Variants in ARHGEF38 observed in about 807,000 individuals in gnomAD.
The protein encoded by ARHGEF38 is Rho guanine nucleotide exchange factor 38.
In ARHGEF38, 79 loss-of-function variants were observed where a neutral mutation model predicts 79.9. The ratio of observed to expected loss-of-function variants is 0.99; its 90% CI spans 0.82 to 1.19. ARHGEF38 has a LOEUF of 1.19. ARHGEF38 is among the 50% of genes most tolerant of loss of function. ARHGEF38 has a pLI of 0.00. For missense variants in ARHGEF38, 962 were observed against 907.2 expected (o/e 1.06, Z -0.78); for synonymous variants, 366 against 328.3 (o/e 1.11, Z -1.24).
intron 13 of ARHGEF38, among the ~76,000 whole-genome samples, chr4:105,668,810 G>C (rs1730861011): frequency 6.6e-6 from 1 of 152,106 alleles, no homozygotes; most frequent in African/African-American, 2.4e-5. Flanking sequence ...CATTTTGTGA[G>C]GCTGAGGTGG....
chr4:105,636,038 T>G (rs1176784537), intron 4 of ARHGEF38, among the ~76,000 whole-genome samples: 1 of 152,044 alleles, frequency 6.6e-6, no homozygotes, highest in Non-Finnish European at 1.5e-5. Flanking sequence ...ACTTATTAAA[T>G]TTTTCCTCAA....
chr4:105,655,638 C>A lies in ARHGEF38; in HGVS notation c.1149C>A (p.Asp383Glu), dbSNP rs1165566470. 1 of 1,535,872 alleles carries A rather than the reference C, an allele frequency of 6.5e-7. No homozygotes were observed. The highest frequency in any genetic ancestry group is 2.4e-5 in the East Asian group (1 of 40,878). ...CCCTGGCTCTGCAGAGTGTGATGGACCTTCAGGAGATTTCATACAACAAAG... is the reference window on the plus strand; with the variant it reads ...CCCTGGCTCTGCAGAGTGTGATGGAACTTCAGGAGATTTCATACAACAAAG... ...AMPLALQSVM[D>E]LQEISYNKDD... The change falls in exon 9 of 14, where the codon GAC becomes GAA. Residue 383 changes from aspartate (D) to glutamate (E), a missense_variant. Coordinates refer to ENST00000420470, the MANE Select transcript of ARHGEF38 (RefSeq NM_001242729.2).
intron 6 of ARHGEF38, among the ~76,000 whole-genome samples, chr4:105,648,341 G>A (rs1729942962): frequency 1.3e-5 from 2 of 151,964 alleles, no homozygotes; most frequent in Admixed American, 6.6e-5. Context: ...AGGGGCTTTT[G>A]TCCTTGTTTC....
At chr4:105,593,331 C>T (rs188227022) in intron 2 of ARHGEF38, among the ~76,000 whole-genome samples, 2 of 152,032 alleles carry the variant, frequency 1.3e-5, no homozygotes, top group Non-Finnish European at 2.9e-5. Flanking sequence ...TGCTTGAGGC[C>T]AGGAGTTCGA....
intron 1 of ARHGEF38, among the ~76,000 whole-genome samples, chr4:105,572,503 G>A (rs1045622101): frequency 2.0e-5 from 3 of 151,972 alleles, no homozygotes; most frequent in African/African-American, 7.2e-5. Flanking sequence ...TTTTCATCTT[G>A]TAAAAATGAA....
intron 2 of ARHGEF38, among the ~76,000 whole-genome samples, chr4:105,604,474 A>AT (rs1352258760): frequency 1.4e-4 from 22 of 151,758 alleles, no homozygotes; most frequent in Non-Finnish European, 2.2e-4. Context: ...TCTCTAGGAA[A>AT]TTTTTCTTTT....
At chr4:105,629,031 G>C (rs1178432849) in intron 3 of ARHGEF38, among the ~76,000 whole-genome samples, 1 of 151,914 alleles carries the variant, frequency 6.6e-6, no homozygotes, top group Non-Finnish European at 1.5e-5. Context: ...ATAAAATGAA[G>C]GCACTAAGAC....
intron 1 of ARHGEF38, among the ~76,000 whole-genome samples, chr4:105,578,310 C>T (rs975586386): frequency 6.6e-6 from 1 of 152,162 alleles, no homozygotes; most frequent in Admixed American, 6.5e-5. Flanking sequence ...TTTGACTTCT[C>T]AAAATTTATT....
chr4:105,682,430 A>T (rs1027938964), downstream of ARHGEF38: 10 of 243,310 alleles, frequency 4.1e-5, no homozygotes, highest in African/African-American at 1.6e-4. Context: ...TTGCTAGAAG[A>T]TGAACTATTT....
Position 105,571,384 on chromosome 4 carries a change from G to A in ARHGEF38, c.197-17864G>A, listed in dbSNP as rs571685656. 1.3e-4 allele frequency among the ~76,000 whole-genome samples: 17 copies of A among 135,182 alleles called. No individual in the cohort carries two copies. The South Asian group carries it at 1.8e-3, about 15-fold the overall frequency. The allele number at this position is 135,182 out of a possible 152,430, so 88.7% of individuals were successfully genotyped here. A position where few individuals can be genotyped will look rare whatever the true frequency, so the allele number is the denominator to read the frequency against. On this transcript the variant is annotated intron_variant, in intron 1 of 13. Transcript: ENST00000420470. ...GTCACCCAGGCTGGAGTGCAATGGC[G>A]CAATCTTGGCTCACTGCAAGCTCCA...
intron 10 of ARHGEF38, among the ~76,000 whole-genome samples, chr4:105,661,330 T>C (rs928762671): frequency 3.3e-5 from 5 of 152,040 alleles, no homozygotes; most frequent in African/African-American, 9.7e-5. Context: ...TTCTGTTGAT[T>C]ATATACCTAG....
intron 1 of ARHGEF38, among the ~76,000 whole-genome samples, chr4:105,582,948 T>A (rs1726867296): frequency 6.6e-6 from 1 of 152,198 alleles, no homozygotes; most frequent in Non-Finnish European, 1.5e-5. Context: ...AATAGCTATA[T>A]CTCACCCTTC....
At chr4:105,558,371 G>C (rs1334700063) in intron 1 of ARHGEF38, among the ~76,000 whole-genome samples, 1 of 152,188 alleles carries the variant, frequency 6.6e-6, no homozygotes, top group Non-Finnish European at 1.5e-5. Context: ...TTCTATCCCA[G>C]TGCTACAAAC....
rs6533214 is a variant in ARHGEF38 at position 105,628,127 on chromosome 4, T to G, written c.509-2771T>G. Reference sequence around the variant, plus strand: ...AAAATGCAAGAGAATTTACAATTAATGGGTTCATTGTGTATAAAGATAAGT... The same window carrying G: ...AAAATGCAAGAGAATTTACAATTAAGGGGTTCATTGTGTATAAAGATAAGT... On this transcript the variant is annotated intron_variant, in intron 3 of 13. Coordinates refer to ENST00000420470, the MANE Select transcript of ARHGEF38 (RefSeq NM_001242729.2). 3.2e-3 allele frequency among the ~76,000 whole-genome samples: 480 copies of G among 152,180 alleles called. 6 individuals are homozygous for G. Among genetic ancestry groups the G allele is most frequent in the African/African-American group, 0.011 (454 of 41,472 alleles).
chr4:105,644,702 G>A lies in ARHGEF38; in HGVS notation c.675-486G>A, dbSNP rs1237753788. On this transcript the variant is annotated intron_variant, in intron 5 of 13. Transcript: ENST00000420470. Reference sequence around the variant, plus strand: ...ACTGTGGTAGAACCTACAAAACATTGTAAATGCAACTTCTCAATTTGGTGG... The same window carrying A: ...ACTGTGGTAGAACCTACAAAACATTATAAATGCAACTTCTCAATTTGGTGG... 2.6e-5 allele frequency among the ~76,000 whole-genome samples: 4 copies of A among 152,300 alleles called. No homozygotes were observed. In the East Asian group the frequency reaches 7.7e-4, roughly 29 times the overall value.
intron 1 of ARHGEF38, chr4:105,561,796 A>C (rs1431265827): frequency 6.6e-6 from 1 of 152,190 alleles, no homozygotes; most frequent in African/African-American, 2.4e-5. Flanking sequence ...TTGTAGGAAG[A>C]AAGAAGTAAA....
intron 10 of ARHGEF38, among the ~76,000 whole-genome samples, chr4:105,665,551 C>G (rs1201488053): frequency 6.6e-6 from 1 of 152,078 alleles, no homozygotes; most frequent in East Asian, 1.9e-4. Flanking sequence ...ATCTTCTGGC[C>G]TCAGCTTCCT....
Position 105,589,366 on chromosome 4 carries a change from A to G in ARHGEF38, c.315A>G (p.Thr105=), listed in dbSNP as rs111829609. The G allele has an allele frequency of 1.9e-6, 3 of 1,614,154 alleles. No homozygotes were observed. The highest frequency in any genetic ancestry group is 3.3e-5 in the Admixed American group (2 of 60,014). ...REKIIKELIQ[T]EKDYLNDLEL... is the part of the protein sequence containing the mutation. ...AGATCATTAAGGAGCTGATACAGAC[A>G]GAAAAGGATTATCTCAATGATCTAG... Residue 105 remains threonine (T), a synonymous_variant, in exon 2 of 14, where the codon ACA becomes ACG. Coordinates refer to ENST00000420470, the MANE Select transcript of ARHGEF38 (RefSeq NM_001242729.2).
In ARHGEF38 at chr4:105,679,480, C is replaced by T; in HGVS notation, c.*1543C>T. 2 of 1,576,056 alleles carry T rather than the reference C, an allele frequency of 1.3e-6. No individual in the cohort carries two copies. Among genetic ancestry groups the T allele is most frequent in the Non-Finnish European group, 1.7e-6 (2 of 1,148,398 alleles). ...CTTTCCAGAGTCATGGTCACAAACCCCTTATCAGAGTTGATTAAAGATCAT... is the reference window on the plus strand; with the variant it reads ...CTTTCCAGAGTCATGGTCACAAACCTCTTATCAGAGTTGATTAAAGATCAT... On this transcript the variant is annotated 3_prime_UTR_variant, in exon 14 of 14. Coordinates refer to ENST00000420470, the MANE Select transcript of ARHGEF38 (RefSeq NM_001242729.2).
Sources: gnomAD v4.1 joint callset for allele counts (sites outside exome capture counted in the v4.1 genomes callset) on GRCh38, gnomAD v4.1.1 for gene constraint, MANE v1.5 for transcripts, NCBI Gene and HGNC (gene_info 2026-07-23, HGNC 2026-07-21) for gene names.